ANKRD36: variants seen among roughly 807,000 people sequenced by gnomAD.
The protein encoded by ANKRD36 is ankyrin repeat domain 36.
In ANKRD36, 179 loss-of-function variants were observed where a neutral mutation model predicts 278.1. That is an observed-to-expected ratio of 0.64 (90% CI 0.57 to 0.73). The LOEUF is 0.73. ANKRD36 is among the 30% of genes least tolerant of loss of function. ANKRD36 has a pLI of 0.00. For missense variants in ANKRD36, 1,159 were observed against 1,956.7 expected (o/e 0.59, Z 7.69); for synonymous variants, 320 against 641.1 (o/e 0.50, Z 7.57).
rs905487810 is a variant in ANKRD36 at position 97,113,308 on chromosome 2, G to A, written c.-432G>A. On this transcript the variant is annotated 5_prime_UTR_variant, in exon 1 of 76. Transcript: ENST00000420699. ...TGTGGGCCCAGCGGTGGCACCAGGCGGAGAAGCACCACTCAACCCCATCCC... is the reference window on the plus strand; with the variant it reads ...TGTGGGCCCAGCGGTGGCACCAGGCAGAGAAGCACCACTCAACCCCATCCC... Among the ~76,000 whole-genome samples the A allele has an allele frequency of 4.6e-5, 7 of 152,180 alleles. No homozygotes were observed. The highest frequency in any genetic ancestry group is 9.6e-5 in the African/African-American group (4 of 41,468).
At chr2:97,149,629 G>A (rs2045373057) in intron 12 of ANKRD36, among the ~76,000 whole-genome samples, 1 of 151,962 alleles carries the variant, frequency 6.6e-6, no homozygotes. Context: ...ATGATGTTCG[G>A]GAATGCTTTC....
intron 56 of ANKRD36, among the ~76,000 whole-genome samples, chr2:97,210,327 G>T (rs1282391517): frequency 6.6e-6 from 1 of 151,790 alleles, no homozygotes; most frequent in African/African-American, 2.4e-5. Flanking sequence ...TAAGGAAGAC[G>T]GATTGTGAGG....
chr2:97,220,883 T>C (rs1198253009), intron 66 of ANKRD36, among the ~76,000 whole-genome samples: 2 of 146,548 alleles, frequency 1.4e-5, no homozygotes, highest in East Asian at 2.1e-4. Flanking sequence ...CCCACTAACG[T>C]GTCATCTAGC....
In ANKRD36 at chr2:97,113,248, C is replaced by T. The variant is rs912476308; in HGVS notation, c.-492C>T. 1.3e-5 allele frequency among the ~76,000 whole-genome samples: 2 copies of T among 152,160 alleles called. No homozygotes were observed. The highest frequency in any genetic ancestry group is 2.9e-5 in the Non-Finnish European group (2 of 68,018). ...TCCTCCCGCCTCGCACCCATCAGCG[C>T]GGACCCCGGGGGCGACGCAGTGGCG... On this transcript the variant is annotated 5_prime_UTR_variant, in exon 1 of 76. Transcript: ENST00000420699.
chr2:97,131,948 C>T lies in ANKRD36; in HGVS notation c.799+4814C>T, dbSNP rs577510280. 3.3e-5 allele frequency among the ~76,000 whole-genome samples: 5 copies of T among 151,774 alleles called. No homozygotes were observed. In the East Asian group the frequency reaches 9.7e-4, roughly 29 times the overall value. On this transcript the variant is annotated intron_variant, in intron 6 of 75. Transcript: ENST00000420699. ...GGTTCAAGCGCTTCTCCTGCTTCAG[C>T]CTCCCAAGTAGCTGGGACTACAGGC...
chr2:97,183,698 G>A (rs2056778356), intron 28 of ANKRD36, 44 bp downstream of exon 28: 3 of 1,531,934 alleles, frequency 2.0e-6, no homozygotes, highest in East Asian at 2.4e-5. Context: ...ACTCAAGACA[G>A]AAGAGAACGT....
chr2:97,202,739 G>A lies in ANKRD36; in HGVS notation c.2959+346G>A, dbSNP rs955234143. Among the ~76,000 whole-genome samples the A allele has an allele frequency of 4.6e-5, 7 of 151,898 alleles. No individual in the cohort carries two copies. In the East Asian group the frequency reaches 5.8e-4, roughly 13 times the overall value. ...GAGAGGAAGTATCGATTTTACAGACGTCACATCGTACTGCTAAAAACAGAC... is the reference window on the plus strand; with the variant it reads ...GAGAGGAAGTATCGATTTTACAGACATCACATCGTACTGCTAAAAACAGAC... On this transcript the variant is annotated intron_variant, in intron 48 of 75. Transcript: ENST00000420699.
chr2:97,127,527 C>T (rs866735055), intron 6 of ANKRD36, among the ~76,000 whole-genome samples: 37 of 151,822 alleles, frequency 2.4e-4, no homozygotes, highest in African/African-American at 8.2e-4. Flanking sequence ...TCAATAATTA[C>T]AGTTGGCCCT....
chr2:97,181,878 A>G (rs2056326511), intron 26 of ANKRD36, 85 bp downstream of exon 26: 3 of 1,021,030 alleles, frequency 2.9e-6, no homozygotes, highest in Admixed American at 2.1e-5. Flanking sequence ...CAGGGGATTC[A>G]TTGAAGCTGC....
chr2:97,168,419 T>C (rs1399033014), intron 22 of ANKRD36, among the ~76,000 whole-genome samples: 1 of 152,306 alleles, frequency 6.6e-6, no homozygotes, highest in Non-Finnish European at 1.5e-5. Flanking sequence ...CTACAATTCA[T>C]TGCCTACAGG....
intron 42 of ANKRD36, among the ~76,000 whole-genome samples, chr2:97,197,735 C>G (rs1354382152): frequency 6.6e-6 from 1 of 151,914 alleles, no homozygotes; most frequent in Admixed American, 6.6e-5. Flanking sequence ...AGCTGTTTTA[C>G]TTTGTATAGG....
chr2:97,215,804 A>G lies in ANKRD36; in HGVS notation c.3673+307A>G, dbSNP rs1293872496. 2.4e-5 allele frequency: 15 copies of G among 635,538 alleles called. No homozygotes were observed. In the Admixed American group the frequency reaches 3.5e-4, roughly 15 times the overall value. 39.4% of individuals were successfully genotyped at this position (635,538 alleles called of 1,614,324 possible). A position where few individuals can be genotyped will look rare whatever the true frequency, so the allele number is the denominator to read the frequency against. On this transcript the variant is annotated intron_variant, in intron 62 of 75. Coordinates refer to ENST00000420699, the MANE Select transcript of ANKRD36 (RefSeq NM_001354587.1). ...AATTCTACAGCAAGTTTCCATCAAG[A>G]GGGGAAGGAGAAAGAGATGAAGTAA...
intron 28 of ANKRD36, among the ~76,000 whole-genome samples, chr2:97,184,773 A>T (rs1281595725): frequency 6.6e-6 from 1 of 151,794 alleles, no homozygotes; most frequent in Admixed American, 6.6e-5. Context: ...ATCTACTAGG[A>T]TTCACCAACC....
chr2:97,114,251 G>A (rs1486378645), intron 1 of ANKRD36, among the ~76,000 whole-genome samples: 1 of 124,314 alleles, frequency 8.0e-6, no homozygotes, highest in Non-Finnish European at 1.7e-5. Context: ...GTGGGGAGAT[G>A]GGGTGAGGGT....
At chr2:97,243,077 C>T (rs1576565669) in intron 69 of ANKRD36, among the ~76,000 whole-genome samples, 1 of 133,368 alleles carries the variant, frequency 7.5e-6, no homozygotes, top group Admixed American at 8.3e-5. Context: ...GAGAGTCAAA[C>T]TCTGTAAGAT....
chr2:97,116,272 CTTTG>C (rs1286028999), intron 1 of ANKRD36, among the ~76,000 whole-genome samples: 2 of 151,834 alleles, frequency 1.3e-5, no homozygotes, highest in South Asian at 2.1e-4. Context: ...TTATTTATGT[CTTTG>C]TTTGTTTGTT....
intron 5 of ANKRD36, among the ~76,000 whole-genome samples, chr2:97,126,562 C>A (rs2038703968): frequency 6.6e-6 from 1 of 151,770 alleles, no homozygotes; most frequent in Non-Finnish European, 1.5e-5. Context: ...AATATTAGAA[C>A]CTATGAAAAA....
rs564887064 is a variant in ANKRD36 at position 97,182,407 on chromosome 2, A to C, written c.1837+614A>C. On this transcript the variant is annotated intron_variant, in intron 26 of 75. Transcript: ENST00000420699. ...CAGGAAGGAGTACTAGAACTGGGAT[A>C]AACCACAGTGACTCATTACTCCTCT... Among the ~76,000 whole-genome samples the C allele has an allele frequency of 4.8e-4, 69 of 143,890 alleles. 2 individuals are homozygous for C. Among genetic ancestry groups the C allele is most frequent in the East Asian group, 3.6e-3 (18 of 4,986 alleles). The allele number at this position is 143,890 out of a possible 152,430, so 94.4% of individuals were successfully genotyped here.
At chr2:97,132,700 G>C (rs1277063276) in intron 6 of ANKRD36, among the ~76,000 whole-genome samples, 4 of 152,054 alleles carry the variant, frequency 2.6e-5, no homozygotes, top group Non-Finnish European at 5.9e-5. Flanking sequence ...AGCAAACAGT[G>C]CTACTCTGGG....
Sources: allele counts gnomAD v4.1 joint callset (sites outside exome capture counted in the v4.1 genomes callset), GRCh38; gene constraint gnomAD v4.1.1; transcripts MANE v1.5; gene names NCBI Gene and HGNC (gene_info 2026-07-23, HGNC 2026-07-21).